Variants in RAB36 observed in about 807,000 individuals in gnomAD.
The protein encoded by RAB36 is ras-related protein Rab-36.
RAB36 carries 33 observed loss-of-function variants against 39.3 expected under a neutral mutation model. The observed-to-expected ratio is 0.84, with a 90% confidence interval of 0.64 to 1.12. The LOEUF (loss-of-function observed/expected upper bound fraction) is 1.12. Ranked by LOEUF, RAB36 falls within the 50% of genes most tolerant of loss-of-function variation. The pLI is 0.00. For missense variants in RAB36, 308 were observed against 355.3 expected (o/e 0.87, Z 1.07); for synonymous variants, 133 against 140.2 (o/e 0.95, Z 0.36).
In RAB36 at chr22:23,150,047, GTC is replaced by G; in HGVS notation, c.70-14_70-13del. Reference sequence around the variant, plus strand: ...GCTTTGCAGGATGATGTGTCCGTCTGTCTGTCTCTTTGCAGTGGTACACGCCG... The same window carrying G: ...GCTTTGCAGGATGATGTGTCCGTCTGTGTCTCTTTGCAGTGGTACACGCCG... On this transcript the variant is annotated splice_polypyrimidine_tract_variant and intron_variant, in intron 2 of 10. Coordinates refer to ENST00000263116, the MANE Select transcript of RAB36 (RefSeq NM_004914.5). The G allele has an allele frequency of 6.3e-7, 1 of 1,589,650 alleles. No homozygotes were observed. The highest frequency in any genetic ancestry group is 1.3e-5 in the African/African-American group (1 of 74,700).
At chr22:23,156,666 C>T (rs1381420255) in intron 6 of RAB36, among the ~76,000 whole-genome samples, 3 of 152,260 alleles carry the variant, frequency 2.0e-5, no homozygotes, top group Non-Finnish European at 4.4e-5. Flanking sequence ...ACCGATATGT[C>T]TACTCGGTAG....
At chr22:23,153,250 G>C (rs1015040561) in intron 5 of RAB36, 116 bp downstream of exon 5, 2 of 783,902 alleles carry the variant, frequency 2.6e-6, no homozygotes, top group Non-Finnish European at 4.3e-6. Context: ...GACAAGCAGA[G>C]CCTGGGGGTG....
chr22:23,160,807 C>G, intron 9 of RAB36, 72 bp from the exon 10 acceptor site: 1 of 1,559,860 alleles, frequency 6.4e-7, no homozygotes, highest in East Asian at 2.3e-5. Context: ...GCTAGCCTGG[C>G]TTTCACACCC....
Position 23,150,099 on chromosome 22 carries a change from C to G in RAB36, c.106C>G (p.His36Asp), listed in dbSNP as rs61758745. ...GGAAGCCTGTTTGCAGCTCAGGGAGCACTTCCACGGGCAGGTCAGCGCTGC... is the reference window on the plus strand; with the variant it reads ...GGAAGCCTGTTTGCAGCTCAGGGAGGACTTCCACGGGCAGGTCAGCGCTGC... ...TPEACLQLRE[H>D]FHGQVSAACQ... is the part of the protein sequence containing the mutation. Residue 36 changes from histidine (H) to aspartate (D), a missense_variant, in exon 3 of 11, where the codon CAC (histidine) becomes GAC (aspartate). By Grantham distance (81) the His-to-Asp change is moderately conservative. Transcript: ENST00000263116. The G allele has an allele frequency of 8.3e-4, 1,334 of 1,612,416 alleles. 8 individuals carry two copies. The African/African-American group carries it at 0.016, about 20-fold the overall frequency.
chr22:23,148,155 C>T (rs1461350185), intron 2 of RAB36, among the ~76,000 whole-genome samples: 2 of 152,082 alleles, frequency 1.3e-5, no homozygotes, highest in African/African-American at 4.8e-5. Flanking sequence ...GCTCTTCCTC[C>T]TTCCCCCTTC....
chr22:23,161,488 C>A lies in RAB36; in HGVS notation c.740-12C>A. The stretch of plus-strand genomic sequence containing the variant: ...CCTGGTTGATGCTAAATTACTTCTC[C>A]CCTCCTTACAGAAATGGAAGGGAGT... On this transcript the variant is annotated splice_polypyrimidine_tract_variant and intron_variant, in intron 10 of 10. Coordinates refer to ENST00000263116, the MANE Select transcript of RAB36 (RefSeq NM_004914.5). 2 of 1,602,974 alleles carry A rather than the reference C, an allele frequency of 1.2e-6. No individual in the cohort carries two copies. Among genetic ancestry groups the A allele is most frequent in the Non-Finnish European group, 1.7e-6 (2 of 1,170,440 alleles).
In RAB36 at chr22:23,159,270, T is replaced by C. The variant is rs766493727; in HGVS notation, c.619+17T>C. 20 of 1,567,818 alleles carry C rather than the reference T, an allele frequency of 1.3e-5. No homozygotes were observed. Among genetic ancestry groups the C allele is most frequent in the Non-Finnish European group, 1.5e-5 (17 of 1,156,004 alleles). The stretch of plus-strand genomic sequence containing the variant: ...CCAAGACTGGTGAGTGGGCCAGGGC[T>C]GTCACCATGGTGGGGCAGAGCCCTG... On this transcript the variant is annotated intron_variant, in intron 9 of 10. Transcript: ENST00000263116.
At chr22:23,166,671 C>G (rs1393224337), downstream of RAB36, among the ~76,000 whole-genome samples, 1 of 152,142 alleles carries the variant, frequency 6.6e-6, no homozygotes, top group Non-Finnish European at 1.5e-5. Context: ...ACTAAGTAAG[C>G]CTTGGAATGA....
intron 2 of RAB36, among the ~76,000 whole-genome samples, chr22:23,147,140 A>C (rs2070824416): frequency 6.6e-6 from 1 of 152,184 alleles, no homozygotes; most frequent in Non-Finnish European, 1.5e-5. Context: ...CATGACCCCA[A>C]ATCCAGGGCT....
downstream of RAB36, among the ~76,000 whole-genome samples, chr22:23,166,849 T>C (rs940436201): frequency 1.3e-5 from 2 of 152,098 alleles, no homozygotes; most frequent in African/African-American, 4.8e-5. Context: ...TGACCCACTG[T>C]TCCCCAAAGC....
At chr22:23,152,980 C>A in intron 4 of RAB36, 53 bp from the exon 5 acceptor site, 1 of 1,292,166 alleles carries the variant, frequency 7.7e-7, no homozygotes, top group Admixed American at 1.7e-5. Flanking sequence ...AGTGAAGCTT[C>A]CGGGCACATT....
At chr22:23,167,575 T>C (rs892697991), downstream of RAB36, among the ~76,000 whole-genome samples, 16 of 152,212 alleles carry the variant, frequency 1.1e-4, no homozygotes, top group African/African-American at 3.9e-4. Flanking sequence ...AACCTCACTC[T>C]CTGGAGGGAT....
chr22:23,151,640 A>G (rs2071130802), intron 3 of RAB36, among the ~76,000 whole-genome samples: 1 of 152,182 alleles, frequency 6.6e-6, no homozygotes, highest in African/African-American at 2.4e-5. Context: ...CCAGTTACTC[A>G]GGAGGCTGAG....
At chr22:23,160,849 T>G in intron 9 of RAB36, 30 bp from the exon 10 acceptor site, 1 of 1,603,860 alleles carries the variant, frequency 6.2e-7, no homozygotes, top group South Asian at 1.1e-5. Context: ...GAAACACTGA[T>G]GAGGTCCCGG....
rs777642764 is a variant in RAB36 at position 23,161,575 on chromosome 22, C to T, written c.*11C>T. On this transcript the variant is annotated 3_prime_UTR_variant, in exon 11 of 11. Coordinates refer to ENST00000263116, the MANE Select transcript of RAB36 (RefSeq NM_004914.5). ...CTGGGCTGCTGCTAACTGGGGCCTG[C>T]GTGGAAGGCCTCCGCTCCCTGCACA... 10 of 1,595,334 alleles carry T rather than the reference C, an allele frequency of 6.3e-6. No individual in the cohort carries two copies. The highest frequency in any genetic ancestry group is 2.7e-5 in the African/African-American group (2 of 74,638).
chr22:23,160,797 G>C (rs1362192088), intron 9 of RAB36, 82 bp from the exon 10 acceptor site: 1 of 1,551,496 alleles, frequency 6.4e-7, no homozygotes, highest in African/African-American at 1.4e-5. Flanking sequence ...CTGAGGGTAG[G>C]CTAGCCTGGC....
downstream of RAB36, among the ~76,000 whole-genome samples, chr22:23,167,668 T>G (rs6003532): frequency 6.6e-6 from 1 of 152,190 alleles, no homozygotes; most frequent in Non-Finnish European, 1.5e-5. Flanking sequence ...ATCGGTTAAA[T>G]TGACACGTTC....
At chr22:23,158,850 G>T in intron 7 of RAB36, 48 bp from the exon 8 acceptor site, 2 of 1,554,404 alleles carry the variant, frequency 1.3e-6, no homozygotes, top group Non-Finnish European at 1.8e-6. Flanking sequence ...CCCCCTGTTT[G>T]GGGTGGGAGG....
intron 7 of RAB36, among the ~76,000 whole-genome samples, chr22:23,158,617 G>A (rs1000860648): frequency 6.6e-6 from 1 of 152,206 alleles, no homozygotes; most frequent in African/African-American, 2.4e-5. Flanking sequence ...TGATAAACAT[G>A]CAGGGCTCAT....
Sources: allele counts gnomAD v4.1 joint callset (sites outside exome capture counted in the v4.1 genomes callset), GRCh38; gene constraint gnomAD v4.1.1; transcripts MANE v1.5; gene names NCBI Gene and HGNC (gene_info 2026-07-23, HGNC 2026-07-21).